The following OR2T11 variants were observed in gnomAD, a reference collection of about 807,000 sequenced individuals.
The protein encoded by OR2T11 is olfactory receptor family 2 subfamily T member 11.
In OR2T11, 14 loss-of-function variants were observed where a neutral mutation model predicts 13.5. That is an observed-to-expected ratio of 1.04 (90% CI 0.69 to 1.62). OR2T11 has a LOEUF of 1.62. Ranked by LOEUF, OR2T11 falls within the 40% of genes most tolerant of loss-of-function variation. OR2T11 has a pLI of 0.00. For synonymous variants in OR2T11, 163 were observed against 154.6 expected, an observed-to-expected ratio of 1.05 and a Z score of -0.40; for missense variants, 410 against 389.7, an observed-to-expected ratio of 1.05 and a Z score of -0.44.
In OR2T11 at chr1:248,625,044, T is replaced by C. The variant is rs1660494955; in HGVS notation, c.*1134A>G. 6.9e-6 allele frequency: 1 copy of C among 144,446 alleles called. No individual in the cohort carries two copies. The highest frequency in any genetic ancestry group is 2.7e-5 in the African/African-American group (1 of 36,908). The allele number at this position is 144,446 out of a possible 1,614,324, so 8.9% of individuals were successfully genotyped here. On this transcript the variant is annotated 3_prime_UTR_variant, in exon 2 of 2. Coordinates refer to ENST00000641193, the MANE Select transcript of OR2T11 (RefSeq NM_001001964.2). ...CACCCGGCCTAGCTTAAATACCTAA[T>C]AGATATTTCCAAATTATCTTAAGTG...
intron 1 of OR2T11, among the ~76,000 whole-genome samples, chr1:248,630,773 C>CT (rs1302954448): frequency 7.0e-6 from 1 of 143,676 alleles, no homozygotes; most frequent in Admixed American, 6.8e-5. Context: ...CCACCTCCAG[C>CT]AAAGGTCCTC....
intron 1 of OR2T11, among the ~76,000 whole-genome samples, chr1:248,631,008 G>GGGA (rs1272477390): frequency 7.0e-6 from 1 of 142,504 alleles, no homozygotes; most frequent in African/African-American, 2.8e-5. Context: ...GACGATAGAG[G>GGGA]GGACCCCAAG....
At position 248,623,816 on chromosome 1, in the gene OR2T11, T is replaced by C. The variant is rs1383016896; in HGVS notation, c.*2362A>G. ...CACATCATGAATCGTCTGACAAATG[T>C]GCTGTGCTAAATTCATAAATTCAAT... is the stretch of plus-strand genomic sequence containing the variant. On this transcript the variant is annotated 3_prime_UTR_variant, in exon 2 of 2. Coordinates refer to ENST00000641193, the MANE Select transcript of OR2T11 (RefSeq NM_001001964.2). The C allele has an allele frequency of 7.0e-6, 1 of 142,796 alleles. No individual in the cohort carries two copies. The highest frequency in any genetic ancestry group is 2.8e-5 in the African/African-American group (1 of 36,098). 8.8% of individuals were successfully genotyped at this position (142,796 alleles called of 1,614,324 possible). A position where few individuals can be genotyped will look rare whatever the true frequency, so the allele number is the denominator to read the frequency against.
intron 1 of OR2T11, among the ~76,000 whole-genome samples, chr1:248,628,820 G>GGC (rs1660559070): frequency 7.0e-6 from 1 of 142,812 alleles, no homozygotes; most frequent in Admixed American, 6.8e-5. Context: ...TAAGGACTGT[G>GGC]GCCTCCTCTG....
At chr1:248,633,420 T>A (rs1222666173) in intron 1 of OR2T11, among the ~76,000 whole-genome samples, 1 of 143,496 alleles carries the variant, frequency 7.0e-6, no homozygotes, top group Non-Finnish European at 1.5e-5. Flanking sequence ...TGTATTATAA[T>A]CTTGTTCTTA....
chr1:248,629,840 G>A (rs116558690), intron 1 of OR2T11, among the ~76,000 whole-genome samples: 1,585 of 141,386 alleles, frequency 0.011, 311 homozygotes, highest in African/African-American at 0.041. Context: ...TCCTCCAACC[G>A]TGCAAGGCCA....
intron 1 of OR2T11, among the ~76,000 whole-genome samples, chr1:248,633,653 TTTC>T (rs1660645132): frequency 1.5e-5 from 2 of 136,174 alleles, no homozygotes; most frequent in African/African-American, 5.9e-5. Context: ...TCAAACATGT[TTTC>T]TGATTTTAAT....
Position 248,626,868 on chromosome 1 carries a change from C to CTT in OR2T11, c.259_260dup (p.Ile88ArgfsTer16), listed in dbSNP as rs767824710. 2.3e-3 allele frequency: 3,563 copies of CTT among 1,571,278 alleles called. 456 individuals carry two copies. The highest frequency in any genetic ancestry group is 2.2e-3 in the Non-Finnish European group (2,513 of 1,155,398). ...TGCCACAGGCCACAAAGGAAATGAT[C>CTT]TTCTCTTTAGAAACCATGTCTGCCA... On this transcript the variant is annotated frameshift_variant, in exon 2 of 2. Transcript: ENST00000641193. LOFTEE classifies it high-confidence loss of function.
intron 1 of OR2T11, among the ~76,000 whole-genome samples, chr1:248,632,590 A>C (rs1348922700): frequency 7.5e-6 from 1 of 133,490 alleles, no homozygotes; most frequent in South Asian, 2.4e-4. Flanking sequence ...TCGTTATTGA[A>C]CTAAACATCT....
rs1400877574 is a variant in OR2T11 at position 248,626,250 on chromosome 1, G to A, written c.879C>T (p.Asp293=). The A allele has an allele frequency of 1.9e-5, 30 of 1,569,212 alleles. 4 individuals carry two copies. The highest frequency in any genetic ancestry group is 5.6e-5 in the South Asian group (5 of 88,832). The change falls in exon 2 of 2, where the codon GAC becomes GAT. Residue 293 remains aspartate, a synonymous_variant. Transcript: ENST00000641193. Reference sequence around the variant, plus strand: ...ATACCTTTTTAAATGCCCCTATGACGTCCTTGTTTCTGAGGCTGTAGATGA... The same window carrying A: ...ATACCTTTTTAAATGCCCCTATGACATCCTTGTTTCTGAGGCTGTAGATGA... The part of the protein sequence containing the change: ...NPLIYSLRNK[D]VIGAFKKVFA...
In OR2T11 at chr1:248,629,616, C is replaced by T. The variant is rs145229915; in HGVS notation, c.-144-2344G>A. 8.3e-3 allele frequency among the ~76,000 whole-genome samples: 1,145 copies of T among 137,922 alleles called. 225 individuals are homozygous for T. Among genetic ancestry groups the T allele is most frequent in the African/African-American group, 0.031 (1,053 of 33,902 alleles). The allele number at this position is 137,922 out of a possible 152,430, so 90.5% of individuals were successfully genotyped here. On this transcript the variant is annotated intron_variant, in intron 1 of 1. Transcript: ENST00000641193. ...ATCGGGACCCGTGCATCCCGCCACG[C>T]CACTTTCTGCTTGAAACCCTGCAGT...
rs1660617645 is a variant in OR2T11 at position 248,631,653 on chromosome 1, TTAA to T, written c.-145+3382_-145+3384del. On this transcript the variant is annotated intron_variant, in intron 1 of 1. Coordinates refer to ENST00000641193, the MANE Select transcript of OR2T11 (RefSeq NM_001001964.2). Reference sequence around the variant, plus strand: ...AAAGCAATAAAGTGACAACATGAAGTTAATAATTTTCCAGAAACACAAAATTCT... The same window carrying T: ...AAAGCAATAAAGTGACAACATGAAGTTAATTTTCCAGAAACACAAAATTCT... Among the ~76,000 whole-genome samples, 8 of 143,362 alleles carry T rather than the reference TTAA, an allele frequency of 5.6e-5. 3 individuals carry two copies. In the South Asian group the frequency reaches 8.8e-4, roughly 16 times the overall value. 94.1% of individuals were successfully genotyped at this position (143,362 alleles called of 152,430 possible). A position where few individuals can be genotyped will look rare whatever the true frequency, so the allele number is the denominator to read the frequency against.
chr1:248,628,366 G>A (rs906282312), intron 1 of OR2T11, among the ~76,000 whole-genome samples: 2 of 140,274 alleles, frequency 1.4e-5, no homozygotes, highest in Non-Finnish European at 3.1e-5. Flanking sequence ...TCAGTGGCTT[G>A]AGTCTCAAAC....
At position 248,624,847 on chromosome 1, in the gene OR2T11, G is replaced by A. The variant is rs1660491886; in HGVS notation, c.*1331C>T. On this transcript the variant is annotated 3_prime_UTR_variant, in exon 2 of 2. Transcript: ENST00000641193. ...AGCCTCCCGTGATCCTCCCACCTCAGCCTCCCAAGTAGCTGGGACTACAGG... is the reference window on the plus strand; with the variant it reads ...AGCCTCCCGTGATCCTCCCACCTCAACCTCCCAAGTAGCTGGGACTACAGG... 7.0e-6 allele frequency: 1 copy of A among 143,530 alleles called. No individual in the cohort carries two copies. Among genetic ancestry groups the A allele is most frequent in the Non-Finnish European group, 1.5e-5 (1 of 66,350 alleles). The allele number at this position is 143,530 out of a possible 1,614,324, so 8.9% of individuals were successfully genotyped here.
chr1:248,626,945 G>C lies in OR2T11; in HGVS notation c.184C>G (p.Gln62Glu). Reference protein sequence around the residue: ...LHTPMYFLLSQLSIMDTLFIC... With the variant: ...LHTPMYFLLSELSIMDTLFIC... ...AAAAGGGTGTCCATGATGGACAGCT[G>C]ACTGAGCAGAAAGTACATGGGGGTG... The change falls in exon 2 of 2, where the codon CAG becomes GAG. Residue 62 changes from glutamine (Q) to glutamate (E), a missense_variant. Coordinates refer to ENST00000641193, the MANE Select transcript of OR2T11 (RefSeq NM_001001964.2). 1 of 1,572,022 alleles carries C rather than the reference G, an allele frequency of 6.4e-7. No individual in the cohort carries two copies. Among genetic ancestry groups the C allele is most frequent in the Non-Finnish European group, 8.7e-7 (1 of 1,155,960 alleles).
At chr1:248,629,606 T>TC (rs1170588046) in intron 1 of OR2T11, among the ~76,000 whole-genome samples, 1 of 137,916 alleles carries the variant, frequency 7.3e-6, no homozygotes, top group Non-Finnish European at 1.5e-5. Flanking sequence ...GACCCGTGCA[T>TC]CCCGCCACGC....
chr1:248,629,889 C>T (rs1043272415), intron 1 of OR2T11, among the ~76,000 whole-genome samples: 9 of 141,760 alleles, frequency 6.3e-5, no homozygotes, highest in Admixed American at 5.5e-4. Flanking sequence ...GCTCAAAAGC[C>T]ACCTGCTCAG....
intron 1 of OR2T11, among the ~76,000 whole-genome samples, chr1:248,629,887 G>A (rs1486618855): frequency 7.1e-6 from 1 of 141,404 alleles, no homozygotes; most frequent in East Asian, 2.1e-4. Flanking sequence ...TTGCTCAAAA[G>A]CCACCTGCTC....
At position 248,623,705 on chromosome 1, in the gene OR2T11, TTGC is replaced by T. The variant is rs926679808; in HGVS notation, c.*2470_*2472del. On this transcript the variant is annotated 3_prime_UTR_variant, in exon 2 of 2. Coordinates refer to ENST00000641193, the MANE Select transcript of OR2T11 (RefSeq NM_001001964.2). ...AATAAGTTTGTAGTAGTAACAGCAG[TTGC>T]TGCTGTTATTTTGTCCTTGTTTTTA... The T allele has an allele frequency of 3.5e-5, 5 of 143,094 alleles. No individual in the cohort carries two copies. The highest frequency in any genetic ancestry group is 2.2e-4 in the South Asian group (1 of 4,550). 8.9% of individuals were successfully genotyped at this position (143,094 alleles called of 1,614,324 possible).
Sources: gnomAD v4.1 joint callset for allele counts (sites outside exome capture counted in the v4.1 genomes callset) on GRCh38, gnomAD v4.1.1 for gene constraint, MANE v1.5 for transcripts, NCBI Gene and HGNC (gene_info 2026-07-23, HGNC 2026-07-21) for gene names.